LNPEP: variants seen among roughly 807,000 people sequenced by gnomAD.
The protein encoded by LNPEP is leucyl-cystinyl aminopeptidase.
In LNPEP, 64 loss-of-function variants were observed where a neutral mutation model predicts 120.6. The ratio of observed to expected loss-of-function variants is 0.53; its 90% CI spans 0.43 to 0.65. The LOEUF (loss-of-function observed/expected upper bound fraction) is 0.65, where lower values mean the gene tolerates loss of function less well. LNPEP is among the 30% of genes least tolerant of loss of function. The pLI is 0.00. For synonymous variants in LNPEP, 435 were observed against 425.4 expected (o/e 1.02, Z -0.28); for missense variants, 1,057 against 1,200.0 (o/e 0.88, Z 1.76).
At chr5:96,950,920 T>G (rs1388232918) in intron 1 of LNPEP, among the ~76,000 whole-genome samples, 1 of 152,200 alleles carries the variant, frequency 6.6e-6, no homozygotes, top group East Asian at 1.9e-4. Flanking sequence ...CTGCTCTGGC[T>G]GTTAGAATGA....
rs1343277788 is a variant in LNPEP at position 97,037,412 on chromosome 5, A to G, written c.*8879A>G. The G allele has an allele frequency of 1.3e-5, 2 of 152,130 alleles. No homozygotes were observed. Among genetic ancestry groups the G allele is most frequent in the Non-Finnish European group, 2.9e-5 (2 of 68,022 alleles). The allele number at this position is 152,130 out of a possible 1,614,324, so 9.4% of individuals were successfully genotyped here. ...AGGCTTATTTTTCTTTATATTTCTG[A>G]TAACTTGTTTTGCATATGACCAGCA... is the stretch of plus-strand genomic sequence containing the variant. On this transcript the variant is annotated 3_prime_UTR_variant, in exon 18 of 18. Coordinates refer to ENST00000231368, the MANE Select transcript of LNPEP (RefSeq NM_005575.3).
At chr5:96,989,049 G>A (rs1465462084) in intron 4 of LNPEP, among the ~76,000 whole-genome samples, 1 of 151,756 alleles carries the variant, frequency 6.6e-6, no homozygotes, top group African/African-American at 2.4e-5. Context: ...GTGGAAAGAG[G>A]AAGAGATAGA....
At chr5:96,977,490 G>A (rs1005891976) in intron 1 of LNPEP, among the ~76,000 whole-genome samples, 1 of 152,096 alleles carries the variant, frequency 6.6e-6, no homozygotes, top group African/African-American at 2.4e-5. Flanking sequence ...CATGGAAGAT[G>A]CTTATACCAG....
intron 1 of LNPEP, among the ~76,000 whole-genome samples, chr5:96,949,123 T>C (rs185053580): frequency 1.3e-5 from 2 of 152,362 alleles, no homozygotes; most frequent in East Asian, 1.9e-4. Context: ...AATTCTTTAC[T>C]AAGGGCTTGA....
Position 97,033,897 on chromosome 5 carries a change from T to C in LNPEP, c.*5364T>C, listed in dbSNP as rs1331962954. ...ACAATCTGTTCTCCCTTTACCCTTT[T>C]AATGTATATGGGCAATAATTTTAAA... On this transcript the variant is annotated 3_prime_UTR_variant, in exon 18 of 18. Coordinates refer to ENST00000231368, the MANE Select transcript of LNPEP (RefSeq NM_005575.3). 3.9e-5 allele frequency: 6 copies of C among 152,206 alleles called. No homozygotes were observed. Among genetic ancestry groups the C allele is most frequent in the African/African-American group, 1.2e-4 (5 of 41,458 alleles). 9.4% of individuals were successfully genotyped at this position (152,206 alleles called of 1,614,324 possible). A position where few individuals can be genotyped will look rare whatever the true frequency, so the allele number is the denominator to read the frequency against.
rs1004264834 is a variant in LNPEP, at chr5:97,034,100, C to G, written c.*5567C>G. The G allele has an allele frequency of 6.6e-6, 1 of 152,092 alleles. No individual in the cohort carries two copies. The highest frequency in any genetic ancestry group is 1.9e-4 in the East Asian group (1 of 5,188). 9.4% of individuals were successfully genotyped at this position (152,092 alleles called of 1,614,324 possible). ...CGTGGAGGTCCGGATGTATGAAAAT[C>G]TCCTCTTTTCCCCTTTCCTTATTGC... On this transcript the variant is annotated 3_prime_UTR_variant, in exon 18 of 18. Coordinates refer to ENST00000231368, the MANE Select transcript of LNPEP (RefSeq NM_005575.3).
Position 97,031,465 on chromosome 5 carries a change from C to T in LNPEP, c.*2932C>T, listed in dbSNP as rs1338329426. On this transcript the variant is annotated 3_prime_UTR_variant, in exon 18 of 18. Transcript: ENST00000231368. Reference sequence around the variant, plus strand: ...TTAATTTTCCTTGCCATATGTGTTTCCATTTTGTGGGACATTAGCCACCAC... The same window carrying T: ...TTAATTTTCCTTGCCATATGTGTTTTCATTTTGTGGGACATTAGCCACCAC... 6.6e-6 allele frequency: 1 copy of T among 152,130 alleles called. No homozygotes were observed. The highest frequency in any genetic ancestry group is 1.5e-5 in the Non-Finnish European group (1 of 68,034). 9.4% of individuals were successfully genotyped at this position (152,130 alleles called of 1,614,324 possible).
rs746346222 is a variant in LNPEP at position 96,998,088 on chromosome 5, A to G, written c.1596A>G (p.Ser532=). 1.2e-5 allele frequency: 19 copies of G among 1,589,764 alleles called. No homozygotes were observed. Among genetic ancestry groups the G allele is most frequent in the Middle Eastern group, 3.3e-4 (2 of 6,032 alleles). ...DSLNSSHPIS[S]SVQSSEQIEE... is the part of the protein sequence containing the mutation. ...TAAATTCATCTCATCCAATATCATCATCTGTTCAGTCTTCAGAACAAATTG... is the reference window on the plus strand; with the variant it reads ...TAAATTCATCTCATCCAATATCATCGTCTGTTCAGTCTTCAGAACAAATTG... Residue 532 remains serine, a synonymous_variant, in exon 8 of 18, where the codon TCA becomes TCG. Transcript: ENST00000231368.
intron 1 of LNPEP, among the ~76,000 whole-genome samples, chr5:96,972,822 C>A (rs1789901361): frequency 6.6e-6 from 1 of 152,114 alleles, no homozygotes; most frequent in Admixed American, 6.6e-5. Flanking sequence ...TCATTGCTCG[C>A]TGATCTTCTC....
At chr5:97,014,554 A>C (rs1229920100) in intron 12 of LNPEP, among the ~76,000 whole-genome samples, 4 of 146,734 alleles carry the variant, frequency 2.7e-5, no homozygotes, top group Middle Eastern at 3.2e-3. Flanking sequence ...CCAACAAATA[A>C]AATTAAAAAA....
intron 11 of LNPEP, among the ~76,000 whole-genome samples, chr5:97,008,354 T>TTTTTTTTTTTTTTTTTTTTTATA (rs1790841836): frequency 8.1e-6 from 1 of 123,154 alleles, no homozygotes; most frequent in Non-Finnish European, 1.7e-5. Flanking sequence ...TTTTTTTTTT[T>TTTTTTTTTTTTTTTTTTTTTATA]TTTTTTTTTT....
At chr5:96,938,533 C>T (rs1275370831) in intron 1 of LNPEP, among the ~76,000 whole-genome samples, 1 of 152,212 alleles carries the variant, frequency 6.6e-6, no homozygotes, top group Non-Finnish European at 1.5e-5. Context: ...TATCTTGTCA[C>T]TCTAGCCTTC....
chr5:97,026,027 G>A (rs758894668), intron 15 of LNPEP, among the ~76,000 whole-genome samples: 1 of 152,042 alleles, frequency 6.6e-6, no homozygotes, highest in Non-Finnish European at 1.5e-5. Context: ...TCGGGCTTTG[G>A]TATTTATTAC....
rs1210148494 is a variant in LNPEP at position 97,032,826 on chromosome 5, AC to A, written c.*4294del. 6.6e-6 allele frequency: 1 copy of A among 152,218 alleles called. No individual in the cohort carries two copies. The highest frequency in any genetic ancestry group is 1.5e-5 in the Non-Finnish European group (1 of 68,054). The allele number at this position is 152,218 out of a possible 1,614,324, so 9.4% of individuals were successfully genotyped here. On this transcript the variant is annotated 3_prime_UTR_variant, in exon 18 of 18. Coordinates refer to ENST00000231368, the MANE Select transcript of LNPEP (RefSeq NM_005575.3). ...GCGTTTCTCCTTATTGTTCGCATGG[AC>A]AATAACTGACAGAGTAGTCCTAGTT... is the stretch of plus-strand genomic sequence containing the variant.
At chr5:97,028,109 C>A (rs561408485) in intron 17 of LNPEP, among the ~76,000 whole-genome samples, 11 of 152,004 alleles carry the variant, frequency 7.2e-5, no homozygotes, top group African/African-American at 2.4e-4. Flanking sequence ...TAGCACCAAG[C>A]CTTTGGACTC....
chr5:97,030,616 CTCTCTGTGTGTG>C lies in LNPEP; in HGVS notation c.*2085_*2096del, dbSNP rs1220604735. 54 of 70,044 alleles carry C rather than the reference CTCTCTGTGTGTG, an allele frequency of 7.7e-4. No homozygotes were observed. The highest frequency in any genetic ancestry group is 7.6e-3 in the Admixed American group (46 of 6,030). The allele number at this position is 70,044 out of a possible 1,614,324, so 4.3% of individuals were successfully genotyped here. A position where few individuals can be genotyped will look rare whatever the true frequency, so the allele number is the denominator to read the frequency against. Reference sequence around the variant, plus strand: ...ATATCATTTCTCTCCCTCTCTCTCTCTCTCTGTGTGTGTGTGTGTGTGTGTGTGTGTGTGTGT... The same window carrying C: ...ATATCATTTCTCTCCCTCTCTCTCTCTGTGTGTGTGTGTGTGTGTGTGTGT... On this transcript the variant is annotated 3_prime_UTR_variant, in exon 18 of 18. Coordinates refer to ENST00000231368, the MANE Select transcript of LNPEP (RefSeq NM_005575.3).
rs772153884 is a variant in LNPEP, at chr5:96,979,455, G to A, written c.337G>A (p.Val113Ile). 18 of 1,614,098 alleles carry A rather than the reference G, an allele frequency of 1.1e-5. No homozygotes were observed. In the South Asian group the frequency reaches 1.9e-4, roughly 17 times the overall value. Residue 113 changes from valine to isoleucine, a missense_variant, in exon 2 of 18, where the codon GTC becomes ATC. Val to Ile is a conservative substitution (Grantham distance 29). Coordinates refer to ENST00000231368, the MANE Select transcript of LNPEP (RefSeq NM_005575.3). ...AGTACCCTCTGCAAGGACCATGGTG[G>A]TCTGTGCTTTTGTCATCGTGGTTGC... ...CSVPSARTMV[V>I]CAFVIVVAVS...
At chr5:96,953,165 A>G (rs1789365605) in intron 1 of LNPEP, among the ~76,000 whole-genome samples, 1 of 152,216 alleles carries the variant, frequency 6.6e-6, no homozygotes, top group African/African-American at 2.4e-5. Flanking sequence ...TTGGCTTGCT[A>G]TAATGTAATT....
rs1791578774 is a variant in LNPEP, at chr5:97,036,705, G to T, written c.*8172G>T. On this transcript the variant is annotated 3_prime_UTR_variant, in exon 18 of 18. Coordinates refer to ENST00000231368, the MANE Select transcript of LNPEP (RefSeq NM_005575.3). The stretch of plus-strand genomic sequence containing the variant: ...CATATTACTATTTTGGAAACATTGA[G>T]TGATAGAACTCCTAGAAAATTTGCA... The T allele has an allele frequency of 6.6e-6, 1 of 152,050 alleles. No individual in the cohort carries two copies. The highest frequency in any genetic ancestry group is 2.4e-5 in the African/African-American group (1 of 41,390). 9.4% of individuals were successfully genotyped at this position (152,050 alleles called of 1,614,324 possible). A position where few individuals can be genotyped will look rare whatever the true frequency, so the allele number is the denominator to read the frequency against.
Sources: allele counts gnomAD v4.1 joint callset (sites outside exome capture counted in the v4.1 genomes callset), GRCh38; gene constraint gnomAD v4.1.1; transcripts MANE v1.5; gene names NCBI Gene and HGNC (gene_info 2026-07-23, HGNC 2026-07-21).